DMXL1: variants seen among roughly 807,000 people sequenced by gnomAD.
The protein encoded by DMXL1 is dmX-like protein 1.
In DMXL1, 99 loss-of-function variants were observed where a neutral mutation model predicts 319.2. That is an observed-to-expected ratio of 0.31 (90% CI 0.26 to 0.37). DMXL1 has a LOEUF of 0.37. Among genes scored for constraint, DMXL1 ranks in the 10% least tolerant of loss-of-function variants. The pLI is 1.00. For missense variants in DMXL1, 3,745 were observed against 3,595.6 expected (o/e 1.04, Z -1.06); for synonymous variants, 1,385 against 1,235.2 (o/e 1.12, Z -2.54).
chr5:119,114,670 T>G (rs1760429987), intron 6 of DMXL1, 129 bp downstream of exon 6: 1 of 718,006 alleles, frequency 1.4e-6, no homozygotes, highest in Non-Finnish European at 2.2e-6. Flanking sequence ...AAATTGTTTT[T>G]TTTGTTTGTT....
intron 41 of DMXL1, among the ~76,000 whole-genome samples, 154 bp downstream of exon 41, chr5:119,239,234 C>T (rs1357900022): frequency 1.3e-5 from 2 of 152,058 alleles, no homozygotes; most frequent in East Asian, 1.9e-4. Flanking sequence ...TTATTCCAGC[C>T]CCACCCCCAA....
At chr5:119,083,827 C>A (rs1444060605) in intron 1 of DMXL1, among the ~76,000 whole-genome samples, 1 of 151,934 alleles carries the variant, frequency 6.6e-6, no homozygotes, top group African/African-American at 2.4e-5. Flanking sequence ...CCTGAGCCAC[C>A]GTGCCTGACC....
chr5:119,117,681 A>G (rs1277416250), intron 7 of DMXL1, among the ~76,000 whole-genome samples: 3 of 152,058 alleles, frequency 2.0e-5, no homozygotes, highest in Non-Finnish European at 2.9e-5. Flanking sequence ...GAGAGGAGGT[A>G]GAAAGGGAGA....
intron 42 of DMXL1, among the ~76,000 whole-genome samples, 190 bp from the exon 43 acceptor site, chr5:119,244,169 A>G (rs182959849): frequency 1.3e-3 from 194 of 152,324 alleles, no homozygotes; most frequent in Middle Eastern, 0.01. Flanking sequence ...TTTGTTTCCC[A>G]TCTCTCAGAG....
chr5:119,116,030 C>T (rs1255443355), intron 6 of DMXL1, 128 bp from the exon 7 acceptor site: 3 of 800,128 alleles, frequency 3.7e-6, no homozygotes, highest in South Asian at 2.0e-5. Flanking sequence ...TTCTTAATTC[C>T]TCTGTGCTCA....
intron 1 of DMXL1, among the ~76,000 whole-genome samples, chr5:119,090,039 A>T (rs1253453985): frequency 6.1e-4 from 12 of 19,826 alleles, no homozygotes; most frequent in South Asian, 1.1e-3. Flanking sequence ...TTTTTTTTTG[A>T]GAAGGACTTT....
intron 9 of DMXL1, among the ~76,000 whole-genome samples, chr5:119,126,499 GA>G (rs1027489002): frequency 6.6e-6 from 1 of 152,066 alleles, no homozygotes; most frequent in African/African-American, 2.4e-5. Context: ...TTAAATTGGG[GA>G]TATCTATTCA....
At chr5:119,175,566 A>G (rs796420404) in intron 26 of DMXL1, among the ~76,000 whole-genome samples, 3 of 152,276 alleles carry the variant, frequency 2.0e-5, no homozygotes, top group African/African-American at 7.2e-5. Context: ...TCACTGCCTT[A>G]TGTCAGACAT....
chr5:119,140,040 T>C (rs1413111098), intron 13 of DMXL1, among the ~76,000 whole-genome samples: 1 of 152,144 alleles, frequency 6.6e-6, no homozygotes, highest in African/African-American at 2.4e-5. Flanking sequence ...ATAGTGAAAT[T>C]AAGACAGAAA....
rs1261854784 is a variant in DMXL1, at chr5:119,165,292, A to G, written c.4970+12A>G. 7.6e-7 allele frequency: 1 copy of G among 1,318,524 alleles called. No individual in the cohort carries two copies. Among genetic ancestry groups the G allele is most frequent in the Non-Finnish European group, 1.0e-6 (1 of 956,246 alleles). The allele number at this position is 1,318,524 out of a possible 1,614,324, so 81.7% of individuals were successfully genotyped here. A position where few individuals can be genotyped will look rare whatever the true frequency, so the allele number is the denominator to read the frequency against. ...TGGGGATTATATAGGTAGGTAAAAA[A>G]AAAAAAAAAAAAGGGTGCTTCAATG... On this transcript the variant is annotated intron_variant, in intron 21 of 43. Coordinates refer to ENST00000539542, the MANE Select transcript of DMXL1 (RefSeq NM_001290321.3).
intron 38 of DMXL1, among the ~76,000 whole-genome samples, chr5:119,231,589 T>G (rs1786736746): frequency 6.6e-6 from 1 of 152,218 alleles, no homozygotes; most frequent in African/African-American, 2.4e-5. Flanking sequence ...CATGTTCCTC[T>G]GCTGAGAACT....
At chr5:119,078,093 T>C (rs1426236303) in intron 1 of DMXL1, among the ~76,000 whole-genome samples, 1 of 151,968 alleles carries the variant, frequency 6.6e-6, no homozygotes, top group Non-Finnish European at 1.5e-5. Flanking sequence ...AAGAATTTAG[T>C]GGTACAAGGA....
At chr5:119,081,842 A>AT (rs1218826602) in intron 1 of DMXL1, 1 of 568,032 alleles carries the variant, frequency 1.8e-6, no homozygotes, top group East Asian at 1.4e-4. Flanking sequence ...GGAAATAAAA[A>AT]TTGAGTTTTT....
intron 19 of DMXL1, among the ~76,000 whole-genome samples, chr5:119,152,969 T>C (rs1770157718): frequency 6.6e-6 from 1 of 152,070 alleles, no homozygotes; most frequent in Admixed American, 6.5e-5. Flanking sequence ...AATCAAATTC[T>C]TTTTAGTTTT....
chr5:119,243,927 T>G (rs1789258207), intron 42 of DMXL1, among the ~76,000 whole-genome samples: 1 of 152,244 alleles, frequency 6.6e-6, no homozygotes, highest in Non-Finnish European at 1.5e-5. Context: ...TAAATGTTCT[T>G]GAGCTTTGCT....
At position 119,128,029 on chromosome 5, in the gene DMXL1, C is replaced by T; in HGVS notation, c.1103-1182C>T. On this transcript the variant is annotated intron_variant, in intron 9 of 43. Coordinates refer to ENST00000539542, the MANE Select transcript of DMXL1 (RefSeq NM_001290321.3). ...ATCTGACATCTGTTTTATCATGATT[C>T]TCCATTTAGGTGGTCCTCAATTTAC... 4.8e-6 allele frequency: 2 copies of T among 420,374 alleles called. 1 individual carries two copies. The highest frequency in any genetic ancestry group is 4.0e-5 in the South Asian group (2 of 49,770). 26.0% of individuals were successfully genotyped at this position (420,374 alleles called of 1,614,324 possible).
chr5:119,071,152 T>G lies in DMXL1; in HGVS notation c.-418T>G, dbSNP rs572530960. 9.4e-6 allele frequency: 2 copies of G among 212,854 alleles called. No individual in the cohort carries two copies. The highest frequency in any genetic ancestry group is 1.9e-5 in the Non-Finnish European group (2 of 104,374). The allele number at this position is 212,854 out of a possible 1,614,324, so 13.2% of individuals were successfully genotyped here. ...GGCACCGGAGCCGGGAAGGGACAGG[T>G]CAGGCGGGGAGTGCGAGCGCGTACT... On this transcript the variant is annotated 5_prime_UTR_variant, in exon 1 of 44. Coordinates refer to ENST00000539542, the MANE Select transcript of DMXL1 (RefSeq NM_001290321.3).
At chr5:119,192,441 A>G (rs1353538574) in intron 29 of DMXL1, among the ~76,000 whole-genome samples, 2 of 152,104 alleles carry the variant, frequency 1.3e-5, no homozygotes, top group African/African-American at 4.8e-5. Flanking sequence ...TCCAGCTGCT[A>G]TCCCATTTCT....
chr5:119,240,657 G>A lies in DMXL1; in HGVS notation c.8704+186G>A, dbSNP rs558024399. On this transcript the variant is annotated intron_variant, in intron 42 of 43. Transcript: ENST00000539542. The stretch of plus-strand genomic sequence containing the variant: ...CGTAATTAACTCTTCACTATACCTT[G>A]ATGGGGGACAGTGAGACATCGATAA... Among the ~76,000 whole-genome samples, 24 of 152,242 alleles carry A rather than the reference G, an allele frequency of 1.6e-4. No homozygotes were observed. In the South Asian group the frequency reaches 3.9e-3, roughly 25 times the overall value.
Sources: gnomAD v4.1 joint callset for allele counts (sites outside exome capture counted in the v4.1 genomes callset) on GRCh38, gnomAD v4.1.1 for gene constraint, MANE v1.5 for transcripts, NCBI Gene and HGNC (gene_info 2026-07-23, HGNC 2026-07-21) for gene names.